The following CSMD1 variants were observed in gnomAD, a reference collection of about 807,000 sequenced individuals.
CSMD1 encodes CUB and sushi domain-containing protein 1.
A neutral mutation model predicts 417.5 loss-of-function variants in CSMD1; 213 were observed. The observed-to-expected ratio is 0.51, with a 90% confidence interval of 0.46 to 0.57. CSMD1 has a LOEUF of 0.57. Among genes scored for constraint, CSMD1 ranks in the 20% least tolerant of loss-of-function variants. The pLI is 0.00. For synonymous variants in CSMD1, 2,862 were observed against 1,736.8 expected, an observed-to-expected ratio of 1.65 and a Z score of -16.11; for missense variants, 6,923 against 4,529.7, an observed-to-expected ratio of 1.53 and a Z score of -15.17.
rs963992254 is a variant in CSMD1 at position 3,214,695 on chromosome 8, T to C, written c.4673-4A>G. 2 of 1,547,962 alleles carry C rather than the reference T, an allele frequency of 1.3e-6. No individual in the cohort carries two copies. Among genetic ancestry groups the C allele is most frequent in the East Asian group, 2.4e-5 (1 of 40,898 alleles). On this transcript the variant is annotated splice_polypyrimidine_tract_variant and splice_region_variant and intron_variant, in intron 29 of 69. Transcript: ENST00000635120. ...AAACAAGCTTCCCGTGGTTTCTCTGTGGAAGAAATGAATGTAAACTGCATG... is the reference window on the plus strand; with the variant it reads ...AAACAAGCTTCCCGTGGTTTCTCTGCGGAAGAAATGAATGTAAACTGCATG...
At chr8:3,425,425 TAAA>T (rs1359518186) in intron 12 of CSMD1, among the ~76,000 whole-genome samples, 1 of 151,598 alleles carries the variant, frequency 6.6e-6, no homozygotes, top group Non-Finnish European at 1.5e-5. Flanking sequence ...CTGTCTCTAC[TAAA>T]AATACAAAAA....
chr8:4,115,936 A>C (rs1802111051), intron 3 of CSMD1, among the ~76,000 whole-genome samples: 1 of 152,062 alleles, frequency 6.6e-6, no homozygotes, highest in Admixed American at 6.5e-5. Context: ...AGGGAGAAGT[A>C]AACACCAAGA....
At position 2,942,564 on chromosome 8, in the gene CSMD1, G is replaced by A. The variant is rs778517811; in HGVS notation, c.10443C>T (p.His3481=). The A allele has an allele frequency of 5.6e-6, 9 of 1,605,162 alleles. No individual in the cohort carries two copies. The East Asian group carries it at 1.1e-4, about 20-fold the overall frequency. ...NPDQDSSSHY[H]GTSSGSVAAA... The stretch of plus-strand genomic sequence containing the variant: ...CCGCCACAGAGCCACTGCTGGTGCC[G>A]TGGTAATGACTGGAAGAGTCTTGAT... Residue 3481 remains histidine, a synonymous_variant, in exon 69 of 70, where the codon CAC becomes CAT. Transcript: ENST00000635120.
intron 3 of CSMD1, among the ~76,000 whole-genome samples, chr8:4,349,819 CCT>C (rs1491351098): frequency 7.5e-6 from 1 of 133,012 alleles, no homozygotes; most frequent in African/African-American, 3.8e-5. Flanking sequence ...TATGATATGA[CCT>C]TTTTTTTTTT....
intron 37 of CSMD1, among the ~76,000 whole-genome samples, chr8:3,168,820 T>C (rs1820400625): frequency 6.6e-6 from 1 of 152,154 alleles, no homozygotes; most frequent in South Asian, 2.1e-4. Context: ...CTATTTCTAT[T>C]ATTTCCACTT....
At chr8:3,035,177 G>A (rs930626659) in intron 50 of CSMD1, among the ~76,000 whole-genome samples, 1 of 152,136 alleles carries the variant, frequency 6.6e-6, no homozygotes, top group Admixed American at 6.5e-5. Context: ...ATACAGGGCT[G>A]TTCCCTGTAC....
chr8:4,096,919 G>A (rs745801534), intron 3 of CSMD1, among the ~76,000 whole-genome samples: 1 of 152,166 alleles, frequency 6.6e-6, no homozygotes, highest in Non-Finnish European at 1.5e-5. Context: ...ATACATAATT[G>A]CAGAGCAAAC....
chr8:2,972,071 T>C (rs1461848266), intron 57 of CSMD1, among the ~76,000 whole-genome samples: 1 of 152,080 alleles, frequency 6.6e-6, no homozygotes, highest in African/African-American at 2.4e-5. Context: ...TGCAAATATA[T>C]GCACAAACAT....
At chr8:4,247,220 C>G (rs1020570317) in intron 3 of CSMD1, among the ~76,000 whole-genome samples, 1 of 152,160 alleles carries the variant, frequency 6.6e-6, no homozygotes, top group African/African-American at 2.4e-5. Flanking sequence ...ATTCCTGGAA[C>G]AGCGAGAAAG....
rs560996692 is a variant in CSMD1 at position 4,012,317 on chromosome 8, G to A, written c.611-14207C>T. Among the ~76,000 whole-genome samples, 68 of 152,174 alleles carry A rather than the reference G, an allele frequency of 4.5e-4. 1 individual carries two copies. Among genetic ancestry groups the A allele is most frequent in the African/African-American group, 1.6e-3 (65 of 41,492 alleles). ...GTTTCATTTCATCTTCCAATCCTTGGTAGGGTGTCCAAGATTCATTCTCTT... is the reference window on the plus strand; with the variant it reads ...GTTTCATTTCATCTTCCAATCCTTGATAGGGTGTCCAAGATTCATTCTCTT... On this transcript the variant is annotated intron_variant, in intron 4 of 69. Coordinates refer to ENST00000635120, the MANE Select transcript of CSMD1 (RefSeq NM_033225.6).
intron 25 of CSMD1, among the ~76,000 whole-genome samples, chr8:3,289,158 A>G (rs1219622356): frequency 6.8e-6 from 1 of 147,544 alleles, no homozygotes; most frequent in Non-Finnish European, 1.5e-5. Context: ...ACATGAACTC[A>G]TCATTTTTTA....
chr8:3,469,709 A>G lies in CSMD1; in HGVS notation c.1449-885T>C, dbSNP rs371742308. 8.7e-4 allele frequency among the ~76,000 whole-genome samples: 132 copies of G among 152,338 alleles called. 1 individual carries two copies. The South Asian group carries it at 0.016, about 18-fold the overall frequency. ...GAGCATATGATTTGCCCCATCAATCATATCATCTGTCTATCAACCCTACAT... is the reference window on the plus strand; with the variant it reads ...GAGCATATGATTTGCCCCATCAATCGTATCATCTGTCTATCAACCCTACAT... On this transcript the variant is annotated intron_variant, in intron 11 of 69. Coordinates refer to ENST00000635120, the MANE Select transcript of CSMD1 (RefSeq NM_033225.6).
At chr8:4,251,970 G>A (rs992142945) in intron 3 of CSMD1, among the ~76,000 whole-genome samples, 2 of 151,954 alleles carry the variant, frequency 1.3e-5, no homozygotes, top group Non-Finnish European at 2.9e-5. Flanking sequence ...TTCAATGGAG[G>A]TAAGGAGAAA....
chr8:4,022,354 A>G (rs1796832342), intron 4 of CSMD1, among the ~76,000 whole-genome samples: 1 of 152,054 alleles, frequency 6.6e-6, no homozygotes, highest in South Asian at 2.1e-4. Flanking sequence ...TGAATAGCAT[A>G]CTTAAAATCA....
intron 2 of CSMD1, among the ~76,000 whole-genome samples, chr8:4,495,847 T>C (rs1801953082): frequency 1.3e-5 from 2 of 152,176 alleles, no homozygotes; most frequent in Admixed American, 1.3e-4. Flanking sequence ...TTAGAATTAT[T>C]AATGTAAGTG....
chr8:4,703,356 C>G (rs1459641544), intron 1 of CSMD1, among the ~76,000 whole-genome samples: 1 of 152,184 alleles, frequency 6.6e-6, no homozygotes, highest in Non-Finnish European at 1.5e-5. Flanking sequence ...CTGCAAAGAT[C>G]TCCCTTTCTC....
chr8:4,882,816 G>C (rs1042712455), intron 1 of CSMD1, among the ~76,000 whole-genome samples: 8 of 151,922 alleles, frequency 5.3e-5, no homozygotes, highest in Admixed American at 3.9e-4. Flanking sequence ...AACAAACTGA[G>C]GAAAACTTTC....
chr8:3,427,125 G>A (rs1813895239), intron 12 of CSMD1, among the ~76,000 whole-genome samples: 1 of 152,162 alleles, frequency 6.6e-6, no homozygotes, highest in Non-Finnish European at 1.5e-5. Flanking sequence ...CCTCTCCTTT[G>A]ACACAAGAAG....
intron 1 of CSMD1, among the ~76,000 whole-genome samples, chr8:4,748,995 T>C (rs1046233629): frequency 1.3e-5 from 2 of 152,258 alleles, no homozygotes; most frequent in African/African-American, 4.8e-5. Context: ...CATTAATTAA[T>C]ATTTTCCCTT....
Sources: allele counts gnomAD v4.1 joint callset (sites outside exome capture counted in the v4.1 genomes callset), GRCh38; gene constraint gnomAD v4.1.1; transcripts MANE v1.5; gene names NCBI Gene and HGNC (gene_info 2026-07-23, HGNC 2026-07-21).